Variants in EPB41L5 observed in about 807,000 individuals in gnomAD.
The protein encoded by EPB41L5 is erythrocyte membrane protein band 4.1 like 5.
EPB41L5 carries 55 observed loss-of-function variants against 106.6 expected under a neutral mutation model. That is an observed-to-expected ratio of 0.52 (90% confidence interval 0.42 to 0.65). The LOEUF (loss-of-function observed/expected upper bound fraction) is 0.65, where lower values mean the gene tolerates loss of function less well. Among genes scored for constraint, EPB41L5 ranks in the 30% least tolerant of loss-of-function variants. The pLI, the probability that EPB41L5 is intolerant of heterozygous loss-of-function variation, is 0.00. For missense variants in EPB41L5, 871 were observed against 882.1 expected, an observed-to-expected ratio of 0.99 and a Z score of 0.16; for synonymous variants, 297 against 306.7, an observed-to-expected ratio of 0.97 and a Z score of 0.33.
At chr2:120,155,376 C>T (rs2105522980) in intron 20 of EPB41L5, among the ~76,000 whole-genome samples, 1 of 152,288 alleles carries the variant, frequency 6.6e-6, no homozygotes, top group Non-Finnish European at 1.5e-5. Context: ...GGCTTTTACT[C>T]TTATGAGGAT....
chr2:120,049,815 C>T (rs1270793622), intron 3 of EPB41L5, among the ~76,000 whole-genome samples: 1 of 152,124 alleles, frequency 6.6e-6, no homozygotes, highest in African/African-American at 2.4e-5. Context: ...TTGTTCCTTT[C>T]CGTGTTTAGT....
At chr2:120,043,169 A>G (rs371342552) in intron 3 of EPB41L5, among the ~76,000 whole-genome samples, 1 of 151,990 alleles carries the variant, frequency 6.6e-6, no homozygotes, top group Non-Finnish European at 1.5e-5. Context: ...TTAAGTAACC[A>G]TGAGCATATG....
chr2:120,173,462 A>T (rs969290995), intron 24 of EPB41L5, among the ~76,000 whole-genome samples: 3 of 152,182 alleles, frequency 2.0e-5, no homozygotes, highest in African/African-American at 7.2e-5. Flanking sequence ...GGTGGGGTCT[A>T]AGAATTTGCA....
In EPB41L5 at chr2:120,076,976, C is replaced by T; in HGVS notation, c.511C>T (p.Leu171Phe). Residue 171 changes from leucine to phenylalanine, a missense_variant, in exon 8 of 25, where the codon CTT (leucine) becomes TTT (phenylalanine). By Grantham distance (22) the Leu-to-Phe change is conservative (BLOSUM62 0). Transcript: ENST00000263713. The part of the protein sequence containing the change: ...QLAAYNLQAE[L>F]GDYDLAEHSP... Reference sequence around the variant, plus strand: ...TTTGAAACTTATGTTTATAGCTGAACTTGGTGACTATGATCTTGCTGAGCA... The same window carrying T: ...TTTGAAACTTATGTTTATAGCTGAATTTGGTGACTATGATCTTGCTGAGCA... 6.3e-7 allele frequency: 1 copy of T among 1,594,054 alleles called. No individual in the cohort carries two copies. The highest frequency in any genetic ancestry group is 8.5e-7 in the Non-Finnish European group (1 of 1,170,824).
At chr2:120,077,910 A>G (rs1287394368) in intron 9 of EPB41L5, among the ~76,000 whole-genome samples, 1 of 152,122 alleles carries the variant, frequency 6.6e-6, no homozygotes, top group Admixed American at 6.6e-5. Flanking sequence ...GAAACTTATA[A>G]TCATTGGGCA....
intron 3 of EPB41L5, among the ~76,000 whole-genome samples, chr2:120,071,881 A>C (rs938824745): frequency 6.6e-6 from 1 of 152,180 alleles, no homozygotes; most frequent in African/African-American, 2.4e-5. Flanking sequence ...CAAAAACTTC[A>C]AACTAAAACA....
At chr2:120,161,041 C>T (rs994103885) in intron 21 of EPB41L5, 67 bp downstream of exon 21, 4 of 1,107,396 alleles carry the variant, frequency 3.6e-6, no homozygotes, top group Non-Finnish European at 5.5e-6. Context: ...TGCAGTATAA[C>T]CAAGGGCATC....
chr2:120,073,054 T>A, intron 3 of EPB41L5, 124 bp from the exon 4 acceptor site: 3 of 790,258 alleles, frequency 3.8e-6, no homozygotes, highest in South Asian at 3.4e-5. Context: ...ACTTGGGTTT[T>A]TCTCTTGTGA....
At chr2:120,146,442 A>G (rs1214744350) in intron 20 of EPB41L5, among the ~76,000 whole-genome samples, 153 bp downstream of exon 20, 2 of 152,200 alleles carry the variant, frequency 1.3e-5, no homozygotes, top group African/African-American at 4.8e-5. Flanking sequence ...CTTAGTACCT[A>G]GTTTTATATT....
At chr2:120,137,326 C>T (rs868694613) in intron 18 of EPB41L5, among the ~76,000 whole-genome samples, 1 of 151,644 alleles carries the variant, frequency 6.6e-6, no homozygotes, top group African/African-American at 2.4e-5. Flanking sequence ...CAAGAGCAAA[C>T]TAAACCCAAA....
chr2:120,142,120 A>ATTT (rs759997874), intron 18 of EPB41L5, among the ~76,000 whole-genome samples: 1,637 of 141,114 alleles, frequency 0.012, 31 homozygotes, highest in African/African-American at 0.037. Context: ...TTTTAAAAAA[A>ATTT]AAAAAAAAAA....
chr2:120,171,606 T>TA, intron 24 of EPB41L5, among the ~76,000 whole-genome samples: 1 of 152,220 alleles, frequency 6.6e-6, no homozygotes, highest in Non-Finnish European at 1.5e-5. Flanking sequence ...TAGCTAAGTA[T>TA]AAATGTCTGA....
rs925677711 is a variant in EPB41L5 at position 120,090,577 on chromosome 2, A to G, written c.1043+61A>G. 2.0e-5 allele frequency: 29 copies of G among 1,459,240 alleles called. No individual in the cohort carries two copies. In the African/African-American group the frequency reaches 3.8e-4, roughly 19 times the overall value. 90.4% of individuals were successfully genotyped at this position (1,459,240 alleles called of 1,614,324 possible). ...GCATACAGGCCAAAAAATTTAGGCC[A>G]ATCTTCTCTTTTTTACAGATATGGT... On this transcript the variant is annotated intron_variant, in intron 12 of 24. Transcript: ENST00000263713.
chr2:120,123,036 G>C (rs1301744156), intron 16 of EPB41L5, among the ~76,000 whole-genome samples: 2 of 152,196 alleles, frequency 1.3e-5, no homozygotes, highest in South Asian at 2.1e-4. Flanking sequence ...TGCTGAAGTT[G>C]CTTATCAGCT....
chr2:120,115,069 TA>T (rs1257133901), intron 16 of EPB41L5, among the ~76,000 whole-genome samples: 34 of 152,230 alleles, frequency 2.2e-4, no homozygotes, highest in African/African-American at 8.0e-4. Context: ...TTGATGTTAG[TA>T]TAGCCACTTC....
At chr2:120,044,678 A>G (rs1679645779) in intron 3 of EPB41L5, among the ~76,000 whole-genome samples, 1 of 152,178 alleles carries the variant, frequency 6.6e-6, no homozygotes, top group Non-Finnish European at 1.5e-5. Flanking sequence ...ACTGAATTCC[A>G]TATTGATTTT....
chr2:120,121,005 C>T (rs1369504907), intron 16 of EPB41L5, among the ~76,000 whole-genome samples: 2 of 152,078 alleles, frequency 1.3e-5, no homozygotes, highest in Non-Finnish European at 2.9e-5. Context: ...CAATCCCAGC[C>T]ACTGGTGAGG....
At chr2:120,168,914 G>A (rs1000839001) in intron 24 of EPB41L5, among the ~76,000 whole-genome samples, 2 of 152,158 alleles carry the variant, frequency 1.3e-5, no homozygotes, top group African/African-American at 4.8e-5. Flanking sequence ...TTATACAAAT[G>A]TAATGGATTA....
chr2:120,035,757 TG>T (rs1679002332), intron 2 of EPB41L5, among the ~76,000 whole-genome samples: 1 of 152,230 alleles, frequency 6.6e-6, no homozygotes, highest in East Asian at 1.9e-4. Context: ...AATTCATCCC[TG>T]AAGGAAGTTA....
Sources: gnomAD v4.1 joint callset for allele counts (sites outside exome capture counted in the v4.1 genomes callset) on GRCh38, gnomAD v4.1.1 for gene constraint, MANE v1.5 for transcripts, NCBI Gene and HGNC (gene_info 2026-07-23, HGNC 2026-07-21) for gene names.